The following CMIP variants were observed in gnomAD, a reference collection of about 807,000 sequenced individuals.
CMIP encodes c-Maf inducing protein.
In CMIP, 13 loss-of-function variants were observed where a neutral mutation model predicts 97.3. That is an observed-to-expected ratio of 0.13 (90% CI 0.09 to 0.21). The LOEUF (loss-of-function observed/expected upper bound fraction) is 0.21, where lower values mean the gene tolerates loss of function less well. Ranked by LOEUF, CMIP falls within the 10% of genes least tolerant of loss-of-function variation. The probability of loss-of-function intolerance (pLI) is 1.00; values close to 1 mark genes in which losing one functional copy is unlikely to be tolerated. For missense variants in CMIP, 847 were observed against 1,024.9 expected, an observed-to-expected ratio of 0.83 and a Z score of 2.37; for synonymous variants, 538 against 436.3, an observed-to-expected ratio of 1.23 and a Z score of -2.91.
At chr16:81,639,024 T>C (rs1482593831) in intron 3 of CMIP, among the ~76,000 whole-genome samples, 1 of 152,122 alleles carries the variant, frequency 6.6e-6, no homozygotes, top group Non-Finnish European at 1.5e-5. Flanking sequence ...CTTTCCAGAA[T>C]GCCGAGGGAG....
At chr16:81,657,435 C>T (rs1029434206) in intron 4 of CMIP, among the ~76,000 whole-genome samples, 8 of 152,114 alleles carry the variant, frequency 5.3e-5, no homozygotes, top group African/African-American at 1.9e-4. Flanking sequence ...TTGACGAGGG[C>T]CAGATCCTCT....
At chr16:81,618,309 ACT>A (rs1374552980) in intron 2 of CMIP, among the ~76,000 whole-genome samples, 1 of 151,252 alleles carries the variant, frequency 6.6e-6, no homozygotes, top group Non-Finnish European at 1.5e-5. Context: ...TGGCCACATC[ACT>A]CTGACCTCTG....
At chr16:81,493,758 A>G (rs1159231654) in intron 1 of CMIP, among the ~76,000 whole-genome samples, 1 of 152,268 alleles carries the variant, frequency 6.6e-6, no homozygotes, top group Admixed American at 6.5e-5. Flanking sequence ...CGCACGTCGC[A>G]GAACCCACAG....
intron 1 of CMIP, among the ~76,000 whole-genome samples, chr16:81,504,415 G>A (rs1179906311): frequency 6.6e-6 from 1 of 151,960 alleles, no homozygotes; most frequent in East Asian, 1.9e-4. Context: ...GGCCAAGGCA[G>A]GTGGATCACT....
intron 16 of CMIP, 115 bp from the exon 17 acceptor site, chr16:81,702,507 C>T (rs1027480715): frequency 9.2e-7 from 1 of 1,088,830 alleles, no homozygotes; most frequent in Non-Finnish European, 1.4e-6. Context: ...CACCGTGTTG[C>T]CTTGTACCAC....
intron 1 of CMIP, among the ~76,000 whole-genome samples, chr16:81,582,284 G>A (rs2091309099): frequency 2.0e-5 from 3 of 152,134 alleles, no homozygotes; most frequent in Admixed American, 6.6e-5. Context: ...TCAGCCCAGT[G>A]CCTCCAGGAA....
intron 1 of CMIP, among the ~76,000 whole-genome samples, chr16:81,557,598 C>G (rs1045029392): frequency 2.6e-5 from 4 of 151,924 alleles, no homozygotes; most frequent in East Asian, 1.9e-4. Flanking sequence ...ACAGTGAGAC[C>G]TCGTTTCTAC....
intron 15 of CMIP, 140 bp from the exon 16 acceptor site, chr16:81,701,520 G>A (rs906049313): frequency 8.2e-5 from 96 of 1,164,090 alleles, no homozygotes; most frequent in Non-Finnish European, 1.2e-4. Context: ...CAGGTGATTT[G>A]CCCAGGCTTA....
At chr16:81,601,635 T>C (rs1040876753) in intron 1 of CMIP, among the ~76,000 whole-genome samples, 1 of 152,144 alleles carries the variant, frequency 6.6e-6, no homozygotes, top group Non-Finnish European at 1.5e-5. Context: ...CTTCCTGGTC[T>C]GGCAAATGCA....
chr16:81,646,818 A>G (rs2092369551), intron 3 of CMIP, among the ~76,000 whole-genome samples: 1 of 152,098 alleles, frequency 6.6e-6, no homozygotes, highest in Non-Finnish European at 1.5e-5. Flanking sequence ...AATCCTTTTT[A>G]TTGCCAAATA....
At chr16:81,508,896 A>C (rs942995618) in intron 1 of CMIP, among the ~76,000 whole-genome samples, 1 of 152,140 alleles carries the variant, frequency 6.6e-6, no homozygotes, top group Non-Finnish European at 1.5e-5. Context: ...AGTACTTAGG[A>C]GAGCAAGTGT....
intron 4 of CMIP, among the ~76,000 whole-genome samples, chr16:81,656,200 C>G (rs1171812360): frequency 6.6e-6 from 1 of 152,212 alleles, no homozygotes; most frequent in Non-Finnish European, 1.5e-5. Flanking sequence ...GACCTGGCTT[C>G]ACGGCCTCCC....
At chr16:81,501,411 C>T (rs2089609257) in intron 1 of CMIP, among the ~76,000 whole-genome samples, 1 of 152,156 alleles carries the variant, frequency 6.6e-6, no homozygotes, top group African/African-American at 2.4e-5. Context: ...TGCCCTGTGC[C>T]ACGCATTGTA....
At chr16:81,569,195 C>T (rs2091038759) in intron 1 of CMIP, among the ~76,000 whole-genome samples, 1 of 152,298 alleles carries the variant, frequency 6.6e-6, no homozygotes, top group South Asian at 2.1e-4. Context: ...ACCCTGTATC[C>T]CTTGAGAATA....
rs556551869 is a variant in CMIP at position 81,682,656 on chromosome 16, G to A, written c.1388+4028G>A. 2.4e-4 allele frequency among the ~76,000 whole-genome samples: 37 copies of A among 152,304 alleles called. No individual in the cohort carries two copies. The South Asian group carries it at 5.8e-3, about 24-fold the overall frequency. On this transcript the variant is annotated intron_variant, in intron 10 of 20. Transcript: ENST00000537098. ...GGGCTCAGGAAGGCACGCTTAGAGC[G>A]AACCACATCCATCGGAGAGGGCAGT... is the stretch of plus-strand genomic sequence containing the variant.
chr16:81,648,876 G>A (rs1310992669), intron 3 of CMIP, among the ~76,000 whole-genome samples: 1 of 147,870 alleles, frequency 6.8e-6, no homozygotes, highest in Non-Finnish European at 1.5e-5. Context: ...CACTCTTTAG[G>A]AACGTCAACT....
Position 81,699,723 on chromosome 16 carries a change from A to G in CMIP, c.1677A>G (p.Lys559=), listed in dbSNP as rs527523022. 151 of 1,613,750 alleles carry G rather than the reference A, an allele frequency of 9.4e-5. No individual in the cohort carries two copies. The South Asian group carries it at 1.5e-3, about 17-fold the overall frequency. ...ILMGSCYKTK[K]FLLSLAENKL... ...TGGGCTCCTGTTACAAGACCAAAAA[A>G]TTCCTGCTCTCCCTGGCAGAAAACA... Residue 559 remains lysine, a synonymous_variant, in exon 15 of 21, where the codon AAA becomes AAG. Transcript: ENST00000537098.
intron 1 of CMIP, among the ~76,000 whole-genome samples, chr16:81,491,482 G>A (rs1426323972): frequency 6.6e-6 from 1 of 152,168 alleles, no homozygotes; most frequent in African/African-American, 2.4e-5. Context: ...CCCTGGACAC[G>A]AGAATTCTGA....
intron 20 of CMIP, among the ~76,000 whole-genome samples, chr16:81,708,503 C>A (rs995589304): frequency 6.6e-6 from 1 of 152,252 alleles, no homozygotes; most frequent in Admixed American, 6.5e-5. Flanking sequence ...GAAGAAAAAT[C>A]ACTTTCAGTC....
Sources: allele counts gnomAD v4.1 joint callset (sites outside exome capture counted in the v4.1 genomes callset), GRCh38; gene constraint gnomAD v4.1.1; transcripts MANE v1.5; gene names NCBI Gene and HGNC (gene_info 2026-07-23, HGNC 2026-07-21).